The following HERC2 variants were observed in gnomAD, a reference collection of about 807,000 sequenced individuals.
The protein encoded by HERC2 is E3 ubiquitin-protein ligase HERC2.
Under a neutral mutation model 537.7 loss-of-function variants are expected in HERC2, and 102 were observed. The observed-to-expected ratio is 0.19, with a 90% CI of 0.16 to 0.22. HERC2 has a LOEUF of 0.22. HERC2 is among the 10% of genes least tolerant of loss of function. The pLI is 1.00. For synonymous variants in HERC2, 2,224 were observed against 2,466.2 expected (o/e 0.90, Z 2.91); for missense variants, 4,236 against 6,198.2 (o/e 0.68, Z 10.63).
At chr15:28,153,764 AG>A (rs1334086533) in intron 69 of HERC2, among the ~76,000 whole-genome samples, 1 of 152,268 alleles carries the variant, frequency 6.6e-6, no homozygotes, top group Non-Finnish European at 1.5e-5. Flanking sequence ...TTTTACACCA[AG>A]ACAAGATTAC....
intron 23 of HERC2, among the ~76,000 whole-genome samples, chr15:28,241,595 G>A (rs1903129944): frequency 6.6e-6 from 1 of 152,170 alleles, no homozygotes; most frequent in Admixed American, 6.5e-5. Flanking sequence ...GCCGAGGTGG[G>A]CAGATCACAA....
At chr15:28,174,662 C>T in intron 64 of HERC2, 42 bp from the exon 65 acceptor site, 1 of 1,311,858 alleles carries the variant, frequency 7.6e-7, no homozygotes, top group Non-Finnish European at 1.1e-6. Flanking sequence ...TTCAACATTT[C>T]AGGACATTTT....
chr15:28,236,516 C>T (rs1483375494), intron 26 of HERC2, among the ~76,000 whole-genome samples: 1 of 152,008 alleles, frequency 6.6e-6, no homozygotes, highest in African/African-American at 2.4e-5. Flanking sequence ...GTCTTGAACT[C>T]CTGACCTCAG....
chr15:28,138,980 T>A (rs1164728120), intron 78 of HERC2, among the ~76,000 whole-genome samples: 1 of 151,968 alleles, frequency 6.6e-6, no homozygotes, highest in Non-Finnish European at 1.5e-5. Context: ...TCAACACGAG[T>A]GGAAGAAGTG....
chr15:28,162,548 T>A (rs1355504045), intron 69 of HERC2, among the ~76,000 whole-genome samples: 1 of 152,114 alleles, frequency 6.6e-6, no homozygotes, highest in Non-Finnish European at 1.5e-5. Context: ...AAAAGGGACT[T>A]AAAGAACTTT....
intron 70 of HERC2, among the ~76,000 whole-genome samples, chr15:28,149,087 T>C (rs1892099626): frequency 6.7e-6 from 1 of 148,330 alleles, no homozygotes. Flanking sequence ...ACCGAGAACA[T>C]CACCAAGAAC....
chr15:28,301,750 T>C (rs1466010302), intron 2 of HERC2, among the ~76,000 whole-genome samples: 64 of 98,916 alleles, frequency 6.5e-4, no homozygotes, highest in African/African-American at 4.1e-3. Context: ...TATATATATA[T>C]ATATATATAT....
At chr15:28,220,767 G>A (rs1240856165) in intron 36 of HERC2, 123 bp from the exon 37 acceptor site, 8 of 679,634 alleles carry the variant, frequency 1.2e-5, no homozygotes, top group Non-Finnish European at 1.7e-5. Flanking sequence ...ATGGCTCCCA[G>A]CAGACCTCAG....
intron 2 of HERC2, among the ~76,000 whole-genome samples, chr15:28,318,374 C>A (rs2077145746): frequency 6.6e-6 from 1 of 152,182 alleles, no homozygotes; most frequent in Non-Finnish European, 1.5e-5. Flanking sequence ...CGCCTATAAT[C>A]CCAGCACTTC....
At chr15:28,115,395 C>T (rs1055352007) in intron 89 of HERC2, 34 bp downstream of exon 89, 3 of 1,476,120 alleles carry the variant, frequency 2.0e-6, no homozygotes, top group African/African-American at 1.4e-5. Context: ...TTAACAAGAC[C>T]CTAGAGGCCC....
At chr15:28,146,194 C>T in intron 71 of HERC2, 43 bp downstream of exon 71, 1 of 1,318,188 alleles carries the variant, frequency 7.6e-7, no homozygotes, top group Non-Finnish European at 1.1e-6. Context: ...TCTACGGAGA[C>T]ACAGGTGGGT....
In HERC2 at chr15:28,113,593, C is replaced by T; in HGVS notation, c.13999G>A (p.Gly4667Ser). ...CATACCATCGTCTCCAGTTCGTAGC[C>T]GGTGAACAGAGAGAGGAGGGGAACA... ...VPVPLLSLFT[G>S]YELETMVCGS... Residue 4667 changes from glycine to serine, a missense_variant, in exon 91 of 93, where the codon GGC becomes AGC. Gly to Ser is a moderately conservative substitution (Grantham distance 56). Coordinates refer to ENST00000261609, the MANE Select transcript of HERC2 (RefSeq NM_004667.6). This position sits in a 1 kb window ranked among gnomAD's most constrained non-coding sequence, Gnocchi z 7.0. 2 of 1,614,134 alleles carry T rather than the reference C, an allele frequency of 1.2e-6. No individual in the cohort carries two copies. Among genetic ancestry groups the T allele is most frequent in the Non-Finnish European group, 1.7e-6 (2 of 1,179,990 alleles).
At position 28,244,852 on chromosome 15, in the gene HERC2, G is replaced by A. The variant is rs189339365; in HGVS notation, c.3577+1029C>T. On this transcript the variant is annotated intron_variant, in intron 23 of 92. Coordinates refer to ENST00000261609, the MANE Select transcript of HERC2 (RefSeq NM_004667.6). ...TTAGGGGGATGATGGTCTAAAACACGAGAAGAAAAAAAGCCCATCCAGCTT... is the reference window on the plus strand; with the variant it reads ...TTAGGGGGATGATGGTCTAAAACACAAGAAGAAAAAAAGCCCATCCAGCTT... 2.6e-5 allele frequency among the ~76,000 whole-genome samples: 4 copies of A among 152,020 alleles called. No individual in the cohort carries two copies. In the South Asian group the frequency reaches 6.2e-4, roughly 24 times the overall value.
chr15:28,246,971 A>C, intron 21 of HERC2, 74 bp from the exon 22 acceptor site: 1 of 1,293,154 alleles, frequency 7.7e-7, no homozygotes, highest in Non-Finnish European at 1.1e-6. Context: ...CTGCTCCATG[A>C]TGCTATTCTC....
chr15:28,163,364 T>C, intron 68 of HERC2, 79 bp from the exon 69 acceptor site: 1 of 1,320,432 alleles, frequency 7.6e-7, no homozygotes, highest in South Asian at 1.3e-5. Context: ...ACCCATAAAC[T>C]CAGAGAACAC....
At chr15:28,140,853 T>C (rs1343424815) in intron 78 of HERC2, among the ~76,000 whole-genome samples, 1 of 151,992 alleles carries the variant, frequency 6.6e-6, no homozygotes, top group Non-Finnish European at 1.5e-5. Flanking sequence ...AGATAGTATT[T>C]ACAATAGCAA....
intron 83 of HERC2, among the ~76,000 whole-genome samples, chr15:28,127,589 A>G (rs188091754): frequency 2.0e-5 from 3 of 152,282 alleles, no homozygotes; most frequent in East Asian, 1.9e-4. Flanking sequence ...CTCAATAGCA[A>G]TGAGCACACC....
At chr15:28,245,618 C>T (rs1042948744) in intron 23 of HERC2, among the ~76,000 whole-genome samples, 1 of 148,696 alleles carries the variant, frequency 6.7e-6, no homozygotes, top group African/African-American at 2.5e-5. Context: ...TATATATATA[C>T]ACACACATAT....
At chr15:28,315,915 C>A (rs2077069849) in intron 2 of HERC2, 3 of 435,584 alleles carry the variant, frequency 6.9e-6, no homozygotes, top group Non-Finnish European at 1.4e-5. Flanking sequence ...CCTCTGATCG[C>A]CGATCACCTC....
Sources: gnomAD v4.1 joint callset for allele counts (sites outside exome capture counted in the v4.1 genomes callset) on GRCh38, gnomAD v4.1.1 for gene constraint, Gnocchi (gnomAD v3.1) non-coding constraint, MANE v1.5 for transcripts, NCBI Gene and HGNC (gene_info 2026-07-23, HGNC 2026-07-21) for gene names.